The following ADCY1 variants were observed in gnomAD, a reference collection of about 807,000 sequenced individuals.
The protein encoded by ADCY1 is adenylate cyclase 1.
In ADCY1, 28 loss-of-function variants were observed where a neutral mutation model predicts 105.4. The observed-to-expected ratio is 0.27, with a 90% confidence interval of 0.20 to 0.36. ADCY1 has a LOEUF of 0.36. ADCY1 is among the 10% of genes least tolerant of loss of function. ADCY1 has a pLI of 1.00. For missense variants in ADCY1, 977 were observed against 1,434.2 expected (o/e 0.68, Z 5.15); for synonymous variants, 655 against 623.8 (o/e 1.05, Z -0.75).
At chr7:45,671,719 T>G (rs892256952) in intron 8 of ADCY1, among the ~76,000 whole-genome samples, 1 of 152,248 alleles carries the variant, frequency 6.6e-6, no homozygotes, top group Admixed American at 6.5e-5. Flanking sequence ...ATCCATATGT[T>G]CTCTTGCCCT....
rs1315640444 is a variant in ADCY1, at chr7:45,575,420, G to C, written c.639+238G>C. Among the ~76,000 whole-genome samples the C allele has an allele frequency of 6.6e-6, 1 of 152,268 alleles. No homozygotes were observed. Among genetic ancestry groups the C allele is most frequent in the African/African-American group, 2.4e-5 (1 of 41,472 alleles). On this transcript the variant is annotated intron_variant, in intron 1 of 19. Coordinates refer to ENST00000297323, the MANE Select transcript of ADCY1 (RefSeq NM_021116.4). The surrounding 1 kb of genome is among the most constrained non-coding windows in gnomAD (Gnocchi z 4.7). The stretch of plus-strand genomic sequence containing the variant: ...AAGCGCCCCTGGCGTGAAGTGTGGA[G>C]AGGGGAGACAGGTGTGGAGAGAGAA...
At position 45,720,051 on chromosome 7, in the gene ADCY1, C is replaced by G. The variant is rs981702793; in HGVS notation, c.*6056C>G. On this transcript the variant is annotated 3_prime_UTR_variant, in exon 20 of 20. Transcript: ENST00000297323. The stretch of plus-strand genomic sequence containing the variant: ...GGCGGTGACCGCTGCAGGAATTCGG[C>G]CCTCCAGCTCCCCTCCAGTTACCAG... The G allele has an allele frequency of 6.6e-6, 1 of 152,062 alleles. No homozygotes were observed. The highest frequency in any genetic ancestry group is 1.5e-5 in the Non-Finnish European group (1 of 68,046). The allele number at this position is 152,062 out of a possible 1,614,324, so 9.4% of individuals were successfully genotyped here.
chr7:45,656,627 G>T (rs1016717380), intron 5 of ADCY1, among the ~76,000 whole-genome samples: 2 of 152,200 alleles, frequency 1.3e-5, no homozygotes, highest in Admixed American at 6.5e-5. Context: ...CCTGAGCCTT[G>T]GCTGGGGCTC....
At chr7:45,683,524 T>C in intron 11 of ADCY1, among the ~76,000 whole-genome samples, 1 of 152,072 alleles carries the variant, frequency 6.6e-6, no homozygotes. Flanking sequence ...GAGCTCCCCA[T>C]GAGGCCATAG....
Position 45,710,716 on chromosome 7 carries a change from C to T in ADCY1, c.3057+64C>T. 6.5e-7 allele frequency: 1 copy of T among 1,539,378 alleles called. No homozygotes were observed. The highest frequency in any genetic ancestry group is 2.4e-5 in the East Asian group (1 of 42,516). ...TTCTTCAGGTGAGGAAACTGAGGCA[C>T]AGGGGGCCAGAATTGAATCCCCAGT... On this transcript the variant is annotated intron_variant, in intron 19 of 19. Coordinates refer to ENST00000297323, the MANE Select transcript of ADCY1 (RefSeq NM_021116.4). This position sits in a 1 kb window ranked among gnomAD's most constrained non-coding sequence, Gnocchi z 4.7.
chr7:45,664,274 A>G, intron 8 of ADCY1: 1 of 1,535,892 alleles, frequency 6.5e-7, no homozygotes, highest in Non-Finnish European at 8.7e-7. Context: ...CACACATCTG[A>G]TGCCTCTCCT....
intron 4 of ADCY1, among the ~76,000 whole-genome samples, chr7:45,643,244 G>A (rs1026662073): frequency 2.7e-5 from 4 of 150,364 alleles, no homozygotes; most frequent in African/African-American, 7.3e-5. Flanking sequence ...TAATTGGTCC[G>A]AGGCTTTTTA....
intron 8 of ADCY1, among the ~76,000 whole-genome samples, chr7:45,665,007 A>G (rs755972047): frequency 4.0e-5 from 6 of 151,750 alleles, no homozygotes; most frequent in African/African-American, 1.2e-4. Context: ...TTCAATTTCC[A>G]CTTATGAGTG....
intron 1 of ADCY1, among the ~76,000 whole-genome samples, chr7:45,587,182 G>A (rs1792755996): frequency 6.6e-6 from 1 of 152,130 alleles, no homozygotes; most frequent in African/African-American, 2.4e-5. Context: ...GTAAAAGGAG[G>A]GAAACCCCTC....
chr7:45,711,208 C>T (rs1007981910), intron 19 of ADCY1, among the ~76,000 whole-genome samples: 2 of 152,130 alleles, frequency 1.3e-5, no homozygotes, highest in Non-Finnish European at 1.5e-5. Context: ...AAACTTGACT[C>T]GGTCTTGATG....
At chr7:45,658,230 T>A (rs1562710801) in intron 6 of ADCY1, among the ~76,000 whole-genome samples, 1 of 152,230 alleles carries the variant, frequency 6.6e-6, no homozygotes, top group Non-Finnish European at 1.5e-5. Flanking sequence ...CTTTTTGCTG[T>A]CTTTGATTTC....
At chr7:45,630,281 A>C (rs1794201907) in intron 4 of ADCY1, among the ~76,000 whole-genome samples, 1 of 151,996 alleles carries the variant, frequency 6.6e-6, no homozygotes, top group African/African-American at 2.4e-5. Context: ...CCAGTTTATC[A>C]GTTTTTTTAA....
intron 8 of ADCY1, among the ~76,000 whole-genome samples, chr7:45,663,733 C>A (rs1008093167): frequency 3.3e-5 from 5 of 151,890 alleles, no homozygotes; most frequent in African/African-American, 1.2e-4. Flanking sequence ...GCAGGAGAAT[C>A]GCTTTAACCC....
intron 1 of ADCY1, among the ~76,000 whole-genome samples, chr7:45,578,211 C>T (rs964340957): frequency 4.6e-5 from 7 of 152,170 alleles, no homozygotes; most frequent in Non-Finnish European, 8.8e-5. Context: ...TAGGGCTTAG[C>T]TCCTCCCCCG....
chr7:45,597,762 C>T (rs917396915), intron 2 of ADCY1, among the ~76,000 whole-genome samples: 4 of 152,180 alleles, frequency 2.6e-5, no homozygotes, highest in African/African-American at 9.7e-5. Context: ...TCCCGTCCAC[C>T]TTCTCAGGGC....
At position 45,686,242 on chromosome 7, in the gene ADCY1, G is replaced by T. The variant is rs1784671292; in HGVS notation, c.2327+27G>T. On this transcript the variant is annotated intron_variant, in intron 13 of 19. Transcript: ENST00000297323. The surrounding 1 kb of genome is among the most constrained non-coding windows in gnomAD (Gnocchi z 4.3). ...TAAGTGTGTGGCTCCTCAAGAAAAAGGCCTAAGCAGCGGTGCTACTGAATC... is the reference window on the plus strand; with the variant it reads ...TAAGTGTGTGGCTCCTCAAGAAAAATGCCTAAGCAGCGGTGCTACTGAATC... 6.2e-7 allele frequency: 1 copy of T among 1,604,700 alleles called. No individual in the cohort carries two copies.
At chr7:45,617,370 G>A (rs1481168658) in intron 3 of ADCY1, among the ~76,000 whole-genome samples, 1 of 152,206 alleles carries the variant, frequency 6.6e-6, no homozygotes, top group Non-Finnish European at 1.5e-5. Flanking sequence ...ATGGCCTGGG[G>A]CCGAGTTGCA....
At position 45,574,405 on chromosome 7, in the gene ADCY1, C is replaced by G. The variant is rs1429007126; in HGVS notation, c.-139C>G. On this transcript the variant is annotated 5_prime_UTR_variant, in exon 1 of 20. Coordinates refer to ENST00000297323, the MANE Select transcript of ADCY1 (RefSeq NM_021116.4). This position sits in a 1 kb window ranked among gnomAD's most constrained non-coding sequence, Gnocchi z 7.0. ...GCGCGCGCGCGGGGCAGCCGGCGCC[C>G]CAACTCCGCCCGCCCCGCGCCCCGC... 1 of 144,570 alleles carries G rather than the reference C, an allele frequency of 6.9e-6. No individual in the cohort carries two copies. Among genetic ancestry groups the G allele is most frequent in the Non-Finnish European group, 1.5e-5 (1 of 66,268 alleles). The allele number at this position is 144,570 out of a possible 1,614,324, so 9.0% of individuals were successfully genotyped here.
At chr7:45,704,268 G>T (rs2247709) in intron 16 of ADCY1, among the ~76,000 whole-genome samples, 2 of 151,782 alleles carry the variant, frequency 1.3e-5, no homozygotes, top group African/African-American at 4.8e-5. Context: ...GCCCCACCAC[G>T]CCTTGTCATT....
Sources: gnomAD v4.1 joint callset for allele counts (sites outside exome capture counted in the v4.1 genomes callset) on GRCh38, gnomAD v4.1.1 for gene constraint, Gnocchi (gnomAD v3.1) non-coding constraint, MANE v1.5 for transcripts, NCBI Gene and HGNC (gene_info 2026-07-23, HGNC 2026-07-21) for gene names.